The following GRIA3 variants were observed in gnomAD, a reference collection of about 807,000 sequenced individuals.
GRIA3 encodes glutamate ionotropic receptor AMPA type subunit 3.
In GRIA3, 3 loss-of-function variants were observed where a neutral mutation model predicts 63.0. The observed-to-expected ratio is 0.05, with a 90% CI of 0.02 to 0.12. GRIA3 has a LOEUF of 0.12. Among genes scored for constraint, GRIA3 ranks in the 10% least tolerant of loss-of-function variants. The pLI is 1.00. For missense variants in GRIA3, 347 were observed against 700.9 expected, an observed-to-expected ratio of 0.50 and a Z score of 5.70; for synonymous variants, 274 against 257.9, an observed-to-expected ratio of 1.06 and a Z score of -0.60.
At chrX:123,210,863 T>A (rs951084749) in intron 2 of GRIA3, among the ~76,000 whole-genome samples, 5 of 112,103 alleles carry the variant, frequency 4.5e-5, no homozygotes, top group Non-Finnish European at 9.4e-5. Flanking sequence ...TGAAAATAGA[T>A]GTAAGGTACA....
intron 13 of GRIA3, among the ~76,000 whole-genome samples, chrX:123,469,787 A>G (rs1486324404): frequency 8.9e-6 from 1 of 112,084 alleles, no homozygotes; most frequent in African/African-American, 3.2e-5. Context: ...AGAATGGAGG[A>G]TTTATGTACA....
At chrX:123,355,799 T>G (rs1266694728) in intron 5 of GRIA3, among the ~76,000 whole-genome samples, 1 of 112,218 alleles carries the variant, frequency 8.9e-6, no homozygotes, top group Non-Finnish European at 1.9e-5. Flanking sequence ...GGTGAAAGAT[T>G]ATTGTAATTA....
At chrX:123,271,602 T>G (rs1290799570) in intron 3 of GRIA3, among the ~76,000 whole-genome samples, 1 of 112,003 alleles carries the variant, frequency 8.9e-6, no homozygotes, top group Non-Finnish European at 1.9e-5. Flanking sequence ...GAGAAAGTTT[T>G]GGGGCCAATG....
chrX:123,196,305 A>G (rs1476939942), intron 2 of GRIA3, among the ~76,000 whole-genome samples: 2 of 112,025 alleles, frequency 1.8e-5, no homozygotes, highest in Non-Finnish European at 3.8e-5. Context: ...ATCATTACGT[A>G]CTTTTTGTTG....
Position 123,489,282 on chromosome X carries a change from T to C in GRIA3, c.*572T>C, listed in dbSNP as rs2045957320. The C allele has an allele frequency of 8.9e-6, 1 of 112,864 alleles. No individual in the cohort carries two copies. Among genetic ancestry groups the C allele is most frequent in the Admixed American group, 9.4e-5 (1 of 10,619 alleles). The allele number at this position is 112,864 out of a possible 1,213,427, so 9.3% of individuals were successfully genotyped here. On this transcript the variant is annotated 3_prime_UTR_variant, in exon 16 of 16. Transcript: ENST00000620443. ...GTATTTCCTGTTGGTGGTGATGTTC[T>C]GTGCACTCTATTTCCTTTCAATGTT... is the stretch of plus-strand genomic sequence containing the variant.
At chrX:123,208,493 T>C (rs1253390284) in intron 2 of GRIA3, among the ~76,000 whole-genome samples, 1 of 112,409 alleles carries the variant, frequency 8.9e-6, no homozygotes, top group Non-Finnish European at 1.9e-5. Context: ...AGAGGATAAT[T>C]TGACCAAATG....
intron 2 of GRIA3, among the ~76,000 whole-genome samples, chrX:123,227,820 C>T (rs1321641919): frequency 8.9e-6 from 1 of 112,128 alleles, no homozygotes; most frequent in Non-Finnish European, 1.9e-5. Context: ...TCTGTAGTAT[C>T]TTCCCTGCTC....
At chrX:123,476,312 G>A (rs1276099263) in intron 13 of GRIA3, among the ~76,000 whole-genome samples, 10 of 111,432 alleles carry the variant, frequency 9.0e-5, no homozygotes. Context: ...CATTCAAAAT[G>A]ATCAAATGCC....
chrX:123,310,223 A>G (rs1473837453), intron 3 of GRIA3, among the ~76,000 whole-genome samples: 1 of 112,953 alleles, frequency 8.9e-6, no homozygotes, highest in African/African-American at 3.2e-5. Context: ...CTTAACTCTA[A>G]GTGACTCAGG....
chrX:123,462,607 GGGA>G (rs2045799135), intron 12 of GRIA3, among the ~76,000 whole-genome samples: 1 of 111,620 alleles, frequency 9.0e-6, no homozygotes, highest in Non-Finnish European at 1.9e-5. Context: ...AGGTGAAGGT[GGGA>G]GGATTGCTTG....
At chrX:123,376,489 CTG>C (rs776883419) in intron 5 of GRIA3, among the ~76,000 whole-genome samples, 6 of 111,794 alleles carry the variant, frequency 5.4e-5, no homozygotes, top group Non-Finnish European at 1.9e-5. Flanking sequence ...TATCTGTAGA[CTG>C]TGTTTGCACA....
chrX:123,422,075 C>A (rs1341635799), intron 11 of GRIA3, among the ~76,000 whole-genome samples: 1 of 112,225 alleles, frequency 8.9e-6, no homozygotes, highest in Non-Finnish European at 1.9e-5. Flanking sequence ...ACTGTTTGTT[C>A]CATTCCTCTC....
At chrX:123,481,365 T>G (rs1442281476) in intron 14 of GRIA3, among the ~76,000 whole-genome samples, 1 of 112,372 alleles carries the variant, frequency 8.9e-6, no homozygotes, top group Non-Finnish European at 1.9e-5. Flanking sequence ...TTTGCAAGGT[T>G]GTTGTGAATA....
At chrX:123,356,008 G>C (rs982081358) in intron 5 of GRIA3, among the ~76,000 whole-genome samples, 4 of 111,645 alleles carry the variant, frequency 3.6e-5, no homozygotes, top group African/African-American at 1.3e-4. Flanking sequence ...GCTCTAAGTG[G>C]AGCACTTAGT....
intron 2 of GRIA3, among the ~76,000 whole-genome samples, chrX:123,220,506 T>C (rs992733814): frequency 9.8e-5 from 11 of 111,756 alleles, no homozygotes; most frequent in African/African-American, 3.6e-4. Flanking sequence ...TTGCTGTCCT[T>C]ATGTGTATCT....
At chrX:123,290,754 T>G (rs1037124147) in intron 3 of GRIA3, among the ~76,000 whole-genome samples, 4 of 111,596 alleles carry the variant, frequency 3.6e-5, no homozygotes, top group Admixed American at 1.9e-4. Flanking sequence ...GCATTACTTT[T>G]CAGGATCATG....
At chrX:123,240,485 T>C (rs1388143641) in intron 2 of GRIA3, among the ~76,000 whole-genome samples, 2 of 111,835 alleles carry the variant, frequency 1.8e-5, no homozygotes, top group East Asian at 5.6e-4. Context: ...GAAGATGGCT[T>C]TTCAAGAGTT....
At chrX:123,465,964 G>T (rs758932062) in intron 13 of GRIA3, among the ~76,000 whole-genome samples, 17 of 111,890 alleles carry the variant, frequency 1.5e-4, no homozygotes, top group East Asian at 2.8e-4. Flanking sequence ...CCACATTTTT[G>T]ATCTAACTTG....
intron 4 of GRIA3, among the ~76,000 whole-genome samples, chrX:123,342,491 G>T (rs2045015293): frequency 8.9e-6 from 1 of 112,001 alleles, no homozygotes. Flanking sequence ...ATGATTTGAT[G>T]GACTCATTCA....
Sources: allele counts gnomAD v4.1 joint callset (sites outside exome capture counted in the v4.1 genomes callset), GRCh38; gene constraint gnomAD v4.1.1; transcripts MANE v1.5; gene names NCBI Gene and HGNC (gene_info 2026-07-23, HGNC 2026-07-21).